Variants in SMURF1 observed in about 807,000 individuals in gnomAD.
The protein encoded by SMURF1 is E3 ubiquitin-protein ligase SMURF1.
In SMURF1, 44 loss-of-function variants were observed where a neutral mutation model predicts 98.0. The ratio of observed to expected loss-of-function variants is 0.45; its 90% CI spans 0.35 to 0.58. SMURF1 has a LOEUF of 0.58. SMURF1 is among the 20% of genes least tolerant of loss of function. The pLI, the probability that SMURF1 is intolerant of heterozygous loss-of-function variation, is 0.00. For synonymous variants in SMURF1, 396 were observed against 374.9 expected (o/e 1.06, Z -0.65); for missense variants, 687 against 938.4 (o/e 0.73, Z 3.50).
chr7:99,057,583 T>C, intron 3 of SMURF1, 32 bp from the exon 4 acceptor site: 1 of 1,505,170 alleles, frequency 6.6e-7, no homozygotes, highest in Admixed American at 2.5e-5. Flanking sequence ...CATTTTTAAT[T>C]GTGTTTGGTT....
chr7:99,051,579 G>A (rs979547198), intron 7 of SMURF1, 138 bp from the exon 8 acceptor site: 46 of 702,818 alleles, frequency 6.5e-5, no homozygotes, highest in African/African-American at 4.8e-4. Flanking sequence ...TCTCTCTGAG[G>A]TGGCCGAATA....
intron 1 of SMURF1, among the ~76,000 whole-genome samples, chr7:99,105,613 A>T (rs1797178597): frequency 6.6e-6 from 1 of 152,216 alleles, no homozygotes; most frequent in Non-Finnish European, 1.5e-5. Flanking sequence ...GCCCAAGATA[A>T]CACAGCTATT....
At chr7:99,128,596 G>A (rs1462338981) in intron 1 of SMURF1, among the ~76,000 whole-genome samples, 1 of 152,142 alleles carries the variant, frequency 6.6e-6, no homozygotes, top group Non-Finnish European at 1.5e-5. Flanking sequence ...TATCATTCAA[G>A]CTCTATAATA....
chr7:99,074,144 A>C (rs898659295), intron 1 of SMURF1, among the ~76,000 whole-genome samples: 10 of 152,356 alleles, frequency 6.6e-5, no homozygotes, highest in Middle Eastern at 3.4e-3. Context: ...AAGCAGACAG[A>C]ACTAATATAT....
intron 3 of SMURF1, among the ~76,000 whole-genome samples, chr7:99,060,393 A>AG (rs1261706294): frequency 1.3e-5 from 2 of 151,580 alleles, no homozygotes; most frequent in Admixed American, 6.6e-5. Flanking sequence ...AAAAAAAAAA[A>AG]AAAAGAAAAA....
At chr7:99,066,446 A>G (rs117933974) in intron 1 of SMURF1, among the ~76,000 whole-genome samples, 1 of 152,322 alleles carries the variant, frequency 6.6e-6, no homozygotes, top group Non-Finnish European at 1.5e-5. Context: ...GTTATATCAT[A>G]AAGTGCGGAA....
rs58384494 is a variant in SMURF1, at chr7:99,071,061, C to CT, written c.56-9225dup. The stretch of plus-strand genomic sequence containing the variant: ...ACTAAAGTCCAGAGGGCATTTGGAA[C>CT]TTTTTTTTTTTTTTTTGAGATGGAG... On this transcript the variant is annotated intron_variant, in intron 1 of 17. Coordinates refer to ENST00000361368, the MANE Select transcript of SMURF1 (RefSeq NM_181349.3). Among the ~76,000 whole-genome samples the CT allele has an allele frequency of 2.0e-3, 282 of 142,054 alleles. 2 individuals are homozygous for CT. The highest frequency in any genetic ancestry group is 4.0e-3 in the African/African-American group (154 of 38,752). The allele number at this position is 142,054 out of a possible 152,430, so 93.2% of individuals were successfully genotyped here.
At chr7:99,122,661 AAAGT>A (rs1428417960) in intron 1 of SMURF1, among the ~76,000 whole-genome samples, 1 of 134,684 alleles carries the variant, frequency 7.4e-6, no homozygotes, top group African/African-American at 2.5e-5. Context: ...AAAAAAAAAA[AAAGT>A]AGTGTCCTTG....
intron 8 of SMURF1, 27 bp downstream of exon 8, chr7:99,051,330 G>T: frequency 6.4e-7 from 1 of 1,570,368 alleles, no homozygotes; most frequent in African/African-American, 1.3e-5. Flanking sequence ...AAAGACAGCT[G>T]GGGGGTGTCC....
chr7:99,062,909 T>C (rs963728518), intron 1 of SMURF1, among the ~76,000 whole-genome samples: 3 of 151,988 alleles, frequency 2.0e-5, no homozygotes, highest in African/African-American at 7.3e-5. Context: ...GTTCTTATTA[T>C]TTTATTAATG....
intron 1 of SMURF1, among the ~76,000 whole-genome samples, chr7:99,088,518 A>C (rs1335642335): frequency 6.6e-6 from 1 of 151,780 alleles, no homozygotes; most frequent in Non-Finnish European, 1.5e-5. Context: ...ATAGCTCTCC[A>C]AACAGATTTC....
intron 1 of SMURF1, among the ~76,000 whole-genome samples, chr7:99,088,500 G>C (rs1180733993): frequency 6.7e-6 from 1 of 149,918 alleles, no homozygotes; most frequent in Non-Finnish European, 1.5e-5. Flanking sequence ...TTTTCCATTG[G>C]TACTTACATA....
intron 12 of SMURF1, among the ~76,000 whole-genome samples, chr7:99,041,711 C>T (rs1274713019): frequency 6.6e-6 from 1 of 152,208 alleles, no homozygotes; most frequent in African/African-American, 2.4e-5. Flanking sequence ...AAAACCAGCA[C>T]GCTAAGGGTG....
chr7:99,031,945 C>A (rs1443485091), intron 17 of SMURF1, among the ~76,000 whole-genome samples: 6 of 152,086 alleles, frequency 3.9e-5, no homozygotes, highest in Non-Finnish European at 1.5e-5. Context: ...TATTTGTAAA[C>A]CATACAGGAA....
chr7:99,080,291 T>TTTTTG (rs200512004), intron 1 of SMURF1, among the ~76,000 whole-genome samples: 13,126 of 151,934 alleles, frequency 0.086, 667 homozygotes, highest in Middle Eastern at 0.14. Context: ...CTAGATAAGT[T>TTTTTG]TTTTGTTTTG....
chr7:99,141,666 C>CA (rs1455330055), intron 1 of SMURF1, among the ~76,000 whole-genome samples: 2 of 151,888 alleles, frequency 1.3e-5, no homozygotes, highest in Non-Finnish European at 2.9e-5. Context: ...TATCTTTATA[C>CA]AAAAAAACAA....
At chr7:99,088,615 T>C (rs1796734693) in intron 1 of SMURF1, among the ~76,000 whole-genome samples, 1 of 151,972 alleles carries the variant, frequency 6.6e-6, no homozygotes, top group African/African-American at 2.4e-5. Flanking sequence ...GAGAATCAAA[T>C]GTCAAAATGG....
chr7:99,143,246 A>T (rs1454278683), intron 1 of SMURF1, among the ~76,000 whole-genome samples: 18 of 130,368 alleles, frequency 1.4e-4, no homozygotes, highest in Admixed American at 7.6e-5. Flanking sequence ...GATGGAGGTG[A>T]AAGGCAAGGG....
chr7:99,055,748 T>C (rs1795861496), intron 5 of SMURF1, among the ~76,000 whole-genome samples: 1 of 152,146 alleles, frequency 6.6e-6, no homozygotes, highest in Non-Finnish European at 1.5e-5. Flanking sequence ...GCGGATCACC[T>C]GAGGCTGGGA....
Sources: gnomAD v4.1 joint callset for allele counts (sites outside exome capture counted in the v4.1 genomes callset) on GRCh38, gnomAD v4.1.1 for gene constraint, MANE v1.5 for transcripts, NCBI Gene and HGNC (gene_info 2026-07-23, HGNC 2026-07-21) for gene names.